Variants in RPSA2 observed in about 807,000 individuals in gnomAD.
RPSA2 encodes ribosomal protein SA 2, also known as small ribosomal subunit protein uS2B.
the RPSA2 span, among the ~76,000 whole-genome samples, chr19:23,826,026 C>A: frequency 2.3e-3 from 104 of 45,128 alleles, no homozygotes; most frequent in Non-Finnish European, 3.5e-3. Flanking sequence ...TTGTTTATTT[C>A]TTGTCAAAAA....
the RPSA2 span, chr19:23,758,657 G>C: frequency 6.2e-7 from 1 of 1,603,234 alleles, no homozygotes; most frequent in Non-Finnish European, 8.5e-7. Flanking sequence ...GGAGAACTCA[G>C]GGCGCAAATT....
At chr19:23,820,427 G>A in the RPSA2 span, among the ~76,000 whole-genome samples, 45 of 152,312 alleles carry the variant, frequency 3.0e-4, 1 homozygote, top group East Asian at 8.3e-3. Context: ...ACCAGGCCCT[G>A]TCACTTAGAG....
chr19:23,781,343 A>G, the RPSA2 span, among the ~76,000 whole-genome samples: 1 of 151,878 alleles, frequency 6.6e-6, no homozygotes, highest in Non-Finnish European at 1.5e-5. Context: ...AGAATAATTT[A>G]TTTATTTATT....
At chr19:23,869,262 C>A in the RPSA2 span, among the ~76,000 whole-genome samples, 14 of 152,162 alleles carry the variant, frequency 9.2e-5, no homozygotes, top group Non-Finnish European at 2.1e-4. Flanking sequence ...TGGAAGGACT[C>A]CCCTTGTGTA....
At chr19:23,840,751 A>T in the RPSA2 span, among the ~76,000 whole-genome samples, 1 of 152,034 alleles carries the variant, frequency 6.6e-6, no homozygotes, top group Non-Finnish European at 1.5e-5. Flanking sequence ...TGAGGTCAGG[A>T]GTTTGAGACC....
At chr19:23,837,273 T>C in the RPSA2 span, among the ~76,000 whole-genome samples, 2 of 152,188 alleles carry the variant, frequency 1.3e-5, no homozygotes, top group East Asian at 3.9e-4. Context: ...TTGTTTGCTT[T>C]GTTGAAAATC....
chr19:23,866,164 T>C, the RPSA2 span, among the ~76,000 whole-genome samples: 1 of 152,156 alleles, frequency 6.6e-6, no homozygotes, highest in African/African-American at 2.4e-5. Context: ...CCACCAAGCA[T>C]GTTTGGAGCA....
chr19:23,810,230 A>G, the RPSA2 span, among the ~76,000 whole-genome samples: 1 of 151,914 alleles, frequency 6.6e-6, no homozygotes, highest in Non-Finnish European at 1.5e-5. Context: ...CGTCTCTACT[A>G]AAAATACAAA....
At chr19:23,851,696 C>G in the RPSA2 span, among the ~76,000 whole-genome samples, 15 of 152,176 alleles carry the variant, frequency 9.9e-5, no homozygotes, top group Admixed American at 5.9e-4. Flanking sequence ...ATAAGCTTGT[C>G]TGTAGGACCC....
chr19:23,801,510 G>T, the RPSA2 span, among the ~76,000 whole-genome samples: 1 of 152,186 alleles, frequency 6.6e-6, no homozygotes, highest in East Asian at 1.9e-4. Flanking sequence ...CAAAATGTTG[G>T]GATTACAGGC....
chr19:23,825,576 G>A, the RPSA2 span, among the ~76,000 whole-genome samples: 1 of 151,974 alleles, frequency 6.6e-6, no homozygotes, highest in Non-Finnish European at 1.5e-5. Flanking sequence ...CTGCGTAGAT[G>A]AGTCATCATA....
At chr19:23,860,384 C>T in the RPSA2 span, among the ~76,000 whole-genome samples, 1 of 152,174 alleles carries the variant, frequency 6.6e-6, no homozygotes, top group Non-Finnish European at 1.5e-5. Flanking sequence ...TATATTTCTC[C>T]TTTCCCACAT....
At chr19:23,804,340 A>AG in the RPSA2 span, among the ~76,000 whole-genome samples, 25 of 137,076 alleles carry the variant, frequency 1.8e-4, no homozygotes, top group Non-Finnish European at 2.7e-4. Context: ...TCTGTCGCCC[A>AG]GGCTGGAGTG....
chr19:23,826,094 A>G, the RPSA2 span, among the ~76,000 whole-genome samples: 1 of 151,538 alleles, frequency 6.6e-6, no homozygotes, highest in African/African-American at 2.4e-5. Flanking sequence ...TTATCTTGAC[A>G]TTGTCATGCA....
the RPSA2 span, among the ~76,000 whole-genome samples, chr19:23,830,995 G>T: frequency 6.6e-6 from 1 of 152,042 alleles, no homozygotes; most frequent in African/African-American, 2.4e-5. Flanking sequence ...CTGAAATTTT[G>T]TGTTTAATTT....
chr19:23,865,779 C>T, the RPSA2 span, among the ~76,000 whole-genome samples: 1 of 152,132 alleles, frequency 6.6e-6, no homozygotes. Flanking sequence ...AAGGCTTGAT[C>T]TGAATGATCC....
At chr19:23,868,066 A>G in the RPSA2 span, among the ~76,000 whole-genome samples, 1 of 152,174 alleles carries the variant, frequency 6.6e-6, no homozygotes, top group Non-Finnish European at 1.5e-5. Flanking sequence ...TGTTATCCTA[A>G]AAATAGTCCA....
chr19:23,858,551 A>G, the RPSA2 span, among the ~76,000 whole-genome samples: 14 of 152,234 alleles, frequency 9.2e-5, no homozygotes, highest in Non-Finnish European at 1.8e-4. Context: ...AGTCCTTGGT[A>G]AAGTTTCCCT....
At chr19:23,796,479 A>G in the RPSA2 span, among the ~76,000 whole-genome samples, 2 of 151,828 alleles carry the variant, frequency 1.3e-5, no homozygotes, top group African/African-American at 2.4e-5. Context: ...TTCTTATATA[A>G]TAAGTTGGAG....
Sources: gnomAD v4.1 joint callset for allele counts (sites outside exome capture counted in the v4.1 genomes callset) on GRCh38, gnomAD v4.1.1 for gene constraint, MANE v1.5 for transcripts, NCBI Gene and HGNC (gene_info 2026-07-23, HGNC 2026-07-21) for gene names.